TEK: variants seen among roughly 807,000 people sequenced by gnomAD.
TEK encodes angiopoietin-1 receptor.
Under a neutral mutation model 131.8 loss-of-function variants are expected in TEK, and 43 were observed. That is an observed-to-expected ratio of 0.33 (90% CI 0.26 to 0.42). The LOEUF (loss-of-function observed/expected upper bound fraction) is 0.42, where lower values mean the gene tolerates loss of function less well. Ranked by LOEUF, TEK falls within the 10% of genes least tolerant of loss-of-function variation. The pLI is 1.00. For missense variants in TEK, 1,162 were observed against 1,384.4 expected, an observed-to-expected ratio of 0.84 and a Z score of 2.55; for synonymous variants, 580 against 491.6, an observed-to-expected ratio of 1.18 and a Z score of -2.38.
At chr9:27,132,871 CAG>C (rs1312830474) in intron 1 of TEK, among the ~76,000 whole-genome samples, 4 of 151,948 alleles carry the variant, frequency 2.6e-5, no homozygotes, top group Non-Finnish European at 5.9e-5. Context: ...GAGAGAGAGA[CAG>C]AGAAATAGAG....
chr9:27,226,174 G>T (rs142367918), intron 21 of TEK, among the ~76,000 whole-genome samples: 1 of 152,164 alleles, frequency 6.6e-6, no homozygotes, highest in Non-Finnish European at 1.5e-5. Flanking sequence ...TCAGTGTGGC[G>T]ATTCCTCAGG....
chr9:27,187,999 A>G (rs773691027), intron 9 of TEK, among the ~76,000 whole-genome samples: 8 of 152,202 alleles, frequency 5.3e-5, no homozygotes, highest in Non-Finnish European at 8.8e-5. Context: ...GGGGAATACA[A>G]TTTAGCCCAT....
chr9:27,134,953 T>C (rs12552280), intron 1 of TEK, among the ~76,000 whole-genome samples: 35,101 of 151,994 alleles, frequency 0.23, 4,745 homozygotes, highest in Admixed American at 0.3. Context: ...AAAAAGGGTG[T>C]GTAATAAATT....
chr9:27,170,403 C>T (rs1408937361), intron 4 of TEK, among the ~76,000 whole-genome samples: 1 of 151,994 alleles, frequency 6.6e-6, no homozygotes, highest in African/African-American at 2.4e-5. Context: ...CTTTGAGAGG[C>T]CCTTTGAGCT....
At chr9:27,144,593 G>A (rs1473875728) in intron 1 of TEK, among the ~76,000 whole-genome samples, 1 of 152,140 alleles carries the variant, frequency 6.6e-6, no homozygotes, top group Admixed American at 6.5e-5. Context: ...TCGTTTGGAA[G>A]CACACAGGAT....
At chr9:27,124,569 C>T (rs955235107) in intron 1 of TEK, among the ~76,000 whole-genome samples, 6 of 152,206 alleles carry the variant, frequency 3.9e-5, no homozygotes, top group African/African-American at 1.4e-4. Flanking sequence ...TACACTCTGC[C>T]CACAACGAGG....
chr9:27,209,063 C>G (rs1176146020), intron 15 of TEK, 58 bp from the exon 16 acceptor site: 1 of 1,220,052 alleles, frequency 8.2e-7, no homozygotes, highest in Non-Finnish European at 1.2e-6. Flanking sequence ...CAGGACGGGA[C>G]AGCTGATTCT....
At chr9:27,114,580 T>A (rs71510415) in intron 1 of TEK, among the ~76,000 whole-genome samples, 26,692 of 150,294 alleles carry the variant, frequency 0.18, 3,189 homozygotes, top group Admixed American at 0.27. Context: ...CAAAAAAAAA[T>A]AAAAAAAAAT....
intron 1 of TEK, among the ~76,000 whole-genome samples, chr9:27,153,277 C>A (rs985620711): frequency 6.7e-6 from 1 of 150,106 alleles, no homozygotes; most frequent in Non-Finnish European, 1.5e-5. Context: ...TGAAACCCCG[C>A]CTCTACTAAA....
chr9:27,209,370 T>A, intron 16 of TEK, 139 bp downstream of exon 16: 1 of 719,034 alleles, frequency 1.4e-6, no homozygotes, highest in Non-Finnish European at 2.4e-6. Flanking sequence ...AATGTCTGTC[T>A]AGTCCCATTT....
intron 7 of TEK, 61 bp from the exon 8 acceptor site, chr9:27,183,398 A>G (rs1053383141): frequency 3.8e-6 from 6 of 1,575,112 alleles, no homozygotes; most frequent in South Asian, 3.3e-5. Flanking sequence ...TATTTTTATT[A>G]TTACTACTGC....
At chr9:27,126,784 G>C (rs1207453333) in intron 1 of TEK, among the ~76,000 whole-genome samples, 1 of 152,154 alleles carries the variant, frequency 6.6e-6, no homozygotes, top group African/African-American at 2.4e-5. Context: ...AATGCAGCCA[G>C]ATTACCCAGA....
At chr9:27,117,982 AC>A (rs544526786) in intron 1 of TEK, among the ~76,000 whole-genome samples, 23 of 152,262 alleles carry the variant, frequency 1.5e-4, no homozygotes, top group East Asian at 9.7e-4. Context: ...CTGGGGAGGC[AC>A]TCACTGCTCT....
chr9:27,145,018 T>G (rs533126919), intron 1 of TEK, among the ~76,000 whole-genome samples: 3 of 152,316 alleles, frequency 2.0e-5, no homozygotes, highest in South Asian at 4.1e-4. Context: ...GAAGAAAATG[T>G]AAGTGGGGGT....
Position 27,209,186 on chromosome 9 carries a change from C to T in TEK, c.2641C>T (p.His881Tyr), listed in dbSNP as rs201842573. The change falls in exon 16 of 23, where the codon CAC becomes TAC. Residue 881 changes from histidine (H) to tyrosine (Y), a missense_variant. Physicochemically the swap from His to Tyr is moderately conservative, Grantham distance 83. This residue lies in a region of TEK where 57 missense variants were observed against 100.8 expected (regional missense o/e 0.57). Transcript: ENST00000380036. ...ACTGGAAGTTCTTTGTAAACTTGGA[C>T]ACCATCCAAACATCATCAATCTCTT... ...GELEVLCKLG[H>Y]HPNIINLLGA... 3.1e-6 allele frequency: 5 copies of T among 1,614,072 alleles called. No individual in the cohort carries two copies. Among genetic ancestry groups the T allele is most frequent in the Non-Finnish European group, 4.2e-6 (5 of 1,179,938 alleles).
chr9:27,224,508 C>A lies in TEK; in HGVS notation c.3201-3698C>A, dbSNP rs1417578102. Among the ~76,000 whole-genome samples the A allele has an allele frequency of 7.2e-5, 11 of 152,058 alleles. No homozygotes were observed. The South Asian group carries it at 1.5e-3, about 20-fold the overall frequency. ...ATCTAAACAGAACCAATGAAAAAAACCACATGTATCTCAATAGATGGAGAA... is the reference window on the plus strand; with the variant it reads ...ATCTAAACAGAACCAATGAAAAAAAACACATGTATCTCAATAGATGGAGAA... On this transcript the variant is annotated intron_variant, in intron 21 of 22. Coordinates refer to ENST00000380036, the MANE Select transcript of TEK (RefSeq NM_000459.5).
In TEK at chr9:27,183,705, T is replaced by G. The variant is rs1046342096; in HGVS notation, c.1182+95T>G. The G allele has an allele frequency of 2.7e-6, 4 of 1,509,106 alleles. No individual in the cohort carries two copies. In the African/African-American group the frequency reaches 4.1e-5, roughly 16 times the overall value. 93.5% of individuals were successfully genotyped at this position (1,509,106 alleles called of 1,614,324 possible). On this transcript the variant is annotated intron_variant, in intron 8 of 22. Coordinates refer to ENST00000380036, the MANE Select transcript of TEK (RefSeq NM_000459.5). ...TGATAGATACCATTCAGTGCTTTTA[T>G]CCTCCTAGGCTAGTGTGTTGTTGGC...
chr9:27,123,809 C>T (rs1821888626), intron 1 of TEK, among the ~76,000 whole-genome samples: 1 of 146,248 alleles, frequency 6.8e-6, no homozygotes, highest in South Asian at 2.7e-4. Flanking sequence ...GATAGTCTCA[C>T]TGTGTCACCC....
intron 1 of TEK, among the ~76,000 whole-genome samples, chr9:27,137,233 A>G (rs923073496): frequency 6.6e-6 from 1 of 151,944 alleles, no homozygotes; most frequent in Non-Finnish European, 1.5e-5. Context: ...CTATCTTTTG[A>G]TAAAACTTCA....
Sources: gnomAD v4.1 joint callset for allele counts (sites outside exome capture counted in the v4.1 genomes callset) on GRCh38, gnomAD v4.1.1 for gene constraint, gnomAD v4.1.1 regional missense constraint, MANE v1.5 for transcripts, NCBI Gene and HGNC (gene_info 2026-07-23, HGNC 2026-07-21) for gene names.